BNC2: variants seen among roughly 807,000 people sequenced by gnomAD.
The protein encoded by BNC2 is basonuclin zinc finger protein 2, also known as zinc finger protein basonuclin-2.
Under a neutral mutation model 76.3 loss-of-function variants are expected in BNC2, and 20 were observed. The ratio of observed to expected loss-of-function variants is 0.26; its 90% confidence interval spans 0.18 to 0.38. The LOEUF is 0.38. BNC2 is among the 10% of genes least tolerant of loss of function. The pLI, the probability that BNC2 is intolerant of heterozygous loss-of-function variation, is 1.00. For missense variants in BNC2, 1,382 were observed against 1,399.8 expected, an observed-to-expected ratio of 0.99 and a Z score of 0.20; for synonymous variants, 582 against 514.8, an observed-to-expected ratio of 1.13 and a Z score of -1.77.
chr9:16,813,512 A>G (rs540685348), intron 1 of BNC2, among the ~76,000 whole-genome samples: 14 of 151,858 alleles, frequency 9.2e-5, no homozygotes, highest in East Asian at 2.0e-4. Context: ...TGATCCGCCC[A>G]CCTCAGCCTC....
intron 5 of BNC2, among the ~76,000 whole-genome samples, chr9:16,523,075 G>C (rs1165523436): frequency 6.6e-6 from 1 of 152,204 alleles, no homozygotes; most frequent in African/African-American, 2.4e-5. Context: ...GAACTGGTGA[G>C]AGAAAACACA....
rs920203429 is a variant in BNC2 at position 16,860,987 on chromosome 9, A to C, written c.3+9659T>G. On this transcript the variant is annotated intron_variant, in intron 1 of 6. Transcript: ENST00000380672. ...CTTAAACCCAAGAGGTGGAGGTTGC[A>C]GTGAGCTGAGATCACGCCACTGCCT... Among the ~76,000 whole-genome samples, 8 of 151,628 alleles carry C rather than the reference A, an allele frequency of 5.3e-5. No homozygotes were observed. In the East Asian group the frequency reaches 5.8e-4, roughly 11 times the overall value.
chr9:16,526,515 T>G (rs1817808297), intron 5 of BNC2, among the ~76,000 whole-genome samples: 1 of 134,332 alleles, frequency 7.4e-6, no homozygotes. Flanking sequence ...CACCTTACTC[T>G]CGGCCATTTC....
intron 3 of BNC2, among the ~76,000 whole-genome samples, chr9:16,691,403 G>C (rs1823158169): frequency 6.6e-6 from 1 of 151,878 alleles, no homozygotes; most frequent in South Asian, 2.1e-4. Context: ...CTATTGGACA[G>C]ATTTCACGTA....
At chr9:16,566,790 T>A (rs187551603) in intron 4 of BNC2, among the ~76,000 whole-genome samples, 1 of 152,296 alleles carries the variant, frequency 6.6e-6, no homozygotes, top group East Asian at 1.9e-4. Context: ...ACAGTAAGAC[T>A]GTAAGAAGAG....
intron 3 of BNC2, among the ~76,000 whole-genome samples, chr9:16,669,273 G>T (rs1822401745): frequency 6.6e-6 from 1 of 152,138 alleles, no homozygotes; most frequent in African/African-American, 2.4e-5. Flanking sequence ...CCCACTAAGG[G>T]AGTAATTTTC....
At chr9:16,625,907 T>TG (rs2133654826) in intron 3 of BNC2, 1 of 152,324 alleles carries the variant, frequency 6.6e-6, no homozygotes, top group South Asian at 2.1e-4. Context: ...GGTAAGCACT[T>TG]GCAATTACAG....
intron 5 of BNC2, among the ~76,000 whole-genome samples, chr9:16,537,840 T>G (rs1818176159): frequency 6.6e-6 from 1 of 152,196 alleles, no homozygotes; most frequent in Non-Finnish European, 1.5e-5. Context: ...TATGCTCAAG[T>G]GAATAAATCA....
chr9:16,462,240 T>A (rs548072564), intron 5 of BNC2, among the ~76,000 whole-genome samples: 1 of 152,300 alleles, frequency 6.6e-6, no homozygotes, highest in East Asian at 1.9e-4. Context: ...AAAAAATTAT[T>A]AAAGCCAGTT....
chr9:16,668,988 A>G lies in BNC2; in HGVS notation c.330+58809T>C, dbSNP rs554783753. Among the ~76,000 whole-genome samples, 337 of 152,220 alleles carry G rather than the reference A, an allele frequency of 2.2e-3. 7 individuals are homozygous for G. The highest frequency in any genetic ancestry group is 0.019 in the Admixed American group (285 of 15,274). On this transcript the variant is annotated intron_variant, in intron 3 of 6. Coordinates refer to ENST00000380672, the MANE Select transcript of BNC2 (RefSeq NM_017637.6). ...GTGCTTTACTGTTCCTTCTGTCTCT[A>G]CAGACCCCACCCCCCTCAAGACACA...
rs1394862037 is a variant in BNC2 at position 16,416,445 on chromosome 9, C to G, written c.*2544G>C. 2 of 152,604 alleles carry G rather than the reference C, an allele frequency of 1.3e-5. No individual in the cohort carries two copies. Among genetic ancestry groups the G allele is most frequent in the East Asian group, 1.9e-4 (1 of 5,196 alleles). 9.5% of individuals were successfully genotyped at this position (152,604 alleles called of 1,614,324 possible). A position where few individuals can be genotyped will look rare whatever the true frequency, so the allele number is the denominator to read the frequency against. On this transcript the variant is annotated 3_prime_UTR_variant, in exon 7 of 7. Transcript: ENST00000380672. ...TTCATTATTCTAGTTCAATCTTTCA[C>G]AAACATACTGTACAGAGTCTTATAT...
intron 3 of BNC2, among the ~76,000 whole-genome samples, chr9:16,617,110 G>T (rs985905369): frequency 6.6e-6 from 1 of 152,156 alleles, no homozygotes; most frequent in African/African-American, 2.4e-5. Context: ...TGAGAACACA[G>T]AAATTGATAT....
intron 1 of BNC2, among the ~76,000 whole-genome samples, chr9:16,851,910 G>A (rs1411196210): frequency 6.6e-6 from 1 of 152,308 alleles, no homozygotes; most frequent in South Asian, 2.1e-4. Flanking sequence ...CTGAACTGAA[G>A]AGACTTGTAA....
chr9:16,703,638 C>T (rs1428690851), intron 3 of BNC2, among the ~76,000 whole-genome samples: 2 of 152,090 alleles, frequency 1.3e-5, no homozygotes, highest in African/African-American at 2.4e-5. Context: ...AAGAACAAGC[C>T]ATCATACAAA....
At chr9:16,760,997 C>G (rs964196761) in intron 1 of BNC2, among the ~76,000 whole-genome samples, 1 of 151,946 alleles carries the variant, frequency 6.6e-6, no homozygotes, top group Non-Finnish European at 1.5e-5. Context: ...AATCCCAGCT[C>G]TTTGGGAGGC....
intron 1 of BNC2, among the ~76,000 whole-genome samples, chr9:16,817,034 T>C (rs770013062): frequency 8.5e-5 from 13 of 152,188 alleles, no homozygotes; most frequent in Non-Finnish European, 2.9e-5. Context: ...CAGCCGCCTT[T>C]CCATTTAGGA....
intron 4 of BNC2, among the ~76,000 whole-genome samples, chr9:16,569,760 A>C (rs536688826): frequency 9.2e-5 from 14 of 152,282 alleles, no homozygotes; most frequent in African/African-American, 3.4e-4. Context: ...AGAAAATTTT[A>C]TCTGCAAATT....
intron 1 of BNC2, chr9:16,867,252 TG>T (rs562659493): frequency 1.2e-4 from 18 of 152,316 alleles, no homozygotes; most frequent in African/African-American, 4.3e-4. Flanking sequence ...ACTGTATCTG[TG>T]GGGTTTATAT....
chr9:16,426,779 T>C (rs1346858368), intron 6 of BNC2, among the ~76,000 whole-genome samples: 1 of 152,226 alleles, frequency 6.6e-6, no homozygotes, highest in African/African-American at 2.4e-5. Flanking sequence ...TTCTTTTTAC[T>C]TTTTATTTGC....
Sources: gnomAD v4.1 joint callset for allele counts (sites outside exome capture counted in the v4.1 genomes callset) on GRCh38, gnomAD v4.1.1 for gene constraint, MANE v1.5 for transcripts, NCBI Gene and HGNC (gene_info 2026-07-23, HGNC 2026-07-21) for gene names.